TTLL1: variants seen among roughly 807,000 people sequenced by gnomAD.
TTLL1 encodes the protein polyglutamylase complex subunit TTLL1.
A neutral mutation model predicts 47.8 loss-of-function variants in TTLL1; 33 were observed. That is an observed-to-expected ratio of 0.69 (90% CI 0.52 to 0.92). The LOEUF is 0.92. TTLL1 is among the 40% of genes least tolerant of loss of function. The probability of loss-of-function intolerance (pLI) is 0.00; values close to 1 mark genes in which losing one functional copy is unlikely to be tolerated. For missense variants in TTLL1, 488 were observed against 547.5 expected, an observed-to-expected ratio of 0.89 and a Z score of 1.08; for synonymous variants, 225 against 214.1, an observed-to-expected ratio of 1.05 and a Z score of -0.45.
At chr22:43,070,196 A>G in intron 3 of TTLL1, 3 of 1,343,904 alleles carry the variant, frequency 2.2e-6, no homozygotes, top group Non-Finnish European at 3.0e-6. Context: ...AAGTCAGGAA[A>G]CTCATTTAAA....
intron 1 of TTLL1, among the ~76,000 whole-genome samples, chr22:43,085,138 G>A (rs554209995): frequency 3.3e-5 from 5 of 151,758 alleles, no homozygotes; most frequent in East Asian, 2.0e-4. Flanking sequence ...CACCATGCCC[G>A]GCTAATTTTT....
intron 1 of TTLL1, among the ~76,000 whole-genome samples, chr22:43,080,986 G>T (rs1240755011): frequency 5.2e-5 from 7 of 133,836 alleles, no homozygotes; most frequent in Non-Finnish European, 1.1e-4. Context: ...GCACATCTTG[G>T]CTCACTACAA....
At position 43,043,308 on chromosome 22, in the gene TTLL1, C is replaced by T. The variant is rs915264898; in HGVS notation, c.1142+3102G>A. The stretch of plus-strand genomic sequence containing the variant: ...TCCCTCAAGAAGTCCACAGGCTGGA[C>T]GCGGCAGAGGCTCTACACGCTCCCA... On this transcript the variant is annotated intron_variant, in intron 10 of 10. Coordinates refer to ENST00000266254, the MANE Select transcript of TTLL1 (RefSeq NM_012263.5). Among the ~76,000 whole-genome samples, 14 of 152,146 alleles carry T rather than the reference C, an allele frequency of 9.2e-5. No individual in the cohort carries two copies. In the South Asian group the frequency reaches 1.7e-3, roughly 18 times the overall value.
intron 1 of TTLL1, among the ~76,000 whole-genome samples, chr22:43,085,526 T>A (rs1384615435): frequency 6.6e-6 from 1 of 152,144 alleles, no homozygotes; most frequent in Non-Finnish European, 1.5e-5. Flanking sequence ...TCTTGTGAGA[T>A]CTGATGGTTT....
At chr22:43,054,723 C>CTTTTTT (rs60472260) in intron 8 of TTLL1, among the ~76,000 whole-genome samples, 3 of 95,762 alleles carry the variant, frequency 3.1e-5, no homozygotes, top group Admixed American at 1.4e-4. Context: ...TGCACCTGGC[C>CTTTTTT]TTTTTTTTTT....
Position 43,069,800 on chromosome 22 carries a change from C to T in TTLL1, c.158G>A (p.Gly53Glu). The T allele has an allele frequency of 6.2e-7, 1 of 1,614,210 alleles. No homozygotes were observed. Among genetic ancestry groups the T allele is most frequent in the South Asian group, 1.1e-5 (1 of 91,082 alleles). The change falls in exon 4 of 11, where the codon GGA (glycine) becomes GAA (glutamate). Residue 53 changes from glycine (G) to glutamate (E), a missense_variant. By Grantham distance (98) the Gly-to-Glu change is moderately conservative. Transcript: ENST00000266254. ...TIRNVFSVEA[G>E]YRLSDDQIVN... ...TATTTGGTCATCTGAGAGCCGATAT[C>T]CAGCTTCAACGCTGAACACATTTCG...
intron 6 of TTLL1, 114 bp downstream of exon 6, chr22:43,064,076 C>CG (rs1410068928): frequency 6.6e-7 from 1 of 1,520,964 alleles, no homozygotes; most frequent in African/African-American, 1.4e-5. Context: ...ATCCCTGCCC[C>CG]GTGCCAGGCA....
chr22:43,050,141 G>C (rs1182671817), intron 9 of TTLL1, among the ~76,000 whole-genome samples: 3 of 151,780 alleles, frequency 2.0e-5, no homozygotes, highest in Non-Finnish European at 2.9e-5. Context: ...AGTAGGGCTG[G>C]GTGCAGTGGC....
At chr22:43,071,459 G>A (rs953626271) in intron 3 of TTLL1, among the ~76,000 whole-genome samples, 1 of 152,176 alleles carries the variant, frequency 6.6e-6, no homozygotes, top group Admixed American at 6.5e-5. Context: ...GCCCAGGCTG[G>A]AGTGCAGTGG....
chr22:43,066,526 T>C (rs1026919359), intron 5 of TTLL1, among the ~76,000 whole-genome samples: 1 of 150,686 alleles, frequency 6.6e-6, no homozygotes, highest in African/African-American at 2.4e-5. Context: ...GAATTTGAGA[T>C]CAACCTGGGC....
At chr22:43,087,167 G>T (rs1442561228) in intron 1 of TTLL1, among the ~76,000 whole-genome samples, 8 of 152,092 alleles carry the variant, frequency 5.3e-5, no homozygotes, top group Admixed American at 5.2e-4. Flanking sequence ...CCACCACATT[G>T]TCACTTTATT....
intron 7 of TTLL1, among the ~76,000 whole-genome samples, chr22:43,059,732 C>G (rs1375482136): frequency 1.3e-5 from 2 of 152,212 alleles, no homozygotes; most frequent in South Asian, 2.1e-4. Flanking sequence ...CTCTGTCCCC[C>G]AAGCTGGAGT....
chr22:43,043,497 A>AT (rs1925864014), intron 10 of TTLL1, among the ~76,000 whole-genome samples: 1 of 151,936 alleles, frequency 6.6e-6, no homozygotes, highest in African/African-American at 2.4e-5. Flanking sequence ...GAAGGCCGCC[A>AT]TCGCAGTTGC....
chr22:43,081,127 G>T (rs918161170), intron 1 of TTLL1, among the ~76,000 whole-genome samples: 1 of 151,778 alleles, frequency 6.6e-6, no homozygotes, highest in Non-Finnish European at 1.5e-5. Context: ...TGTTGGCCAG[G>T]CTGGTCTCAA....
intron 2 of TTLL1, 95 bp from the exon 3 acceptor site, chr22:43,075,685 T>C: frequency 9.4e-7 from 1 of 1,059,270 alleles, no homozygotes; most frequent in South Asian, 1.3e-5. Flanking sequence ...CATCCCAAAC[T>C]CGATCTTACC....
intron 5 of TTLL1, among the ~76,000 whole-genome samples, chr22:43,065,335 G>C (rs991646702): frequency 3.3e-5 from 5 of 151,974 alleles, no homozygotes; most frequent in Middle Eastern, 3.4e-3. Flanking sequence ...TGTCACCCAG[G>C]CTGGAGTGCA....
chr22:43,054,945 T>C (rs5751420), intron 8 of TTLL1, among the ~76,000 whole-genome samples: 34,939 of 151,272 alleles, frequency 0.23, 6,143 homozygotes, highest in East Asian at 0.71. Context: ...AGGATGGTCT[T>C]GATCTTCTGA....
chr22:43,072,245 C>G (rs1479546075), intron 3 of TTLL1, among the ~76,000 whole-genome samples: 1 of 151,528 alleles, frequency 6.6e-6, no homozygotes, highest in Non-Finnish European at 1.5e-5. Context: ...TCTCCGCCTC[C>G]CGGGTTCACG....
intron 7 of TTLL1, among the ~76,000 whole-genome samples, chr22:43,062,127 A>G (rs554427242): frequency 2.0e-5 from 3 of 152,248 alleles, no homozygotes; most frequent in Non-Finnish European, 2.9e-5. Flanking sequence ...TAGGTACTCA[A>G]TGGGTACAGA....
Sources: gnomAD v4.1 joint callset for allele counts (sites outside exome capture counted in the v4.1 genomes callset) on GRCh38, gnomAD v4.1.1 for gene constraint, MANE v1.5 for transcripts, NCBI Gene and HGNC (gene_info 2026-07-23, HGNC 2026-07-21) for gene names.